Variants in TCIRG1 observed in about 807,000 individuals in gnomAD.
TCIRG1 encodes the protein V-type proton ATPase 116 kDa subunit a 3.
A neutral mutation model predicts 95.5 loss-of-function variants in TCIRG1; 86 were observed. That is an observed-to-expected ratio of 0.90 (90% CI 0.76 to 1.08). TCIRG1 has a LOEUF of 1.08. TCIRG1 is among the 50% of genes least tolerant of loss of function. TCIRG1 has a pLI of 0.00. For missense variants in TCIRG1, 1,069 were observed against 1,140.2 expected (o/e 0.94, Z 0.90); for synonymous variants, 499 against 501.3 (o/e 1.00, Z 0.06).
Position 68,045,173 on chromosome 11 carries a change from G to A in TCIRG1, c.1165+71G>A, listed in dbSNP as rs938592420. On this transcript the variant is annotated intron_variant, in intron 10 of 19. Transcript: ENST00000265686. ...CCCCACTGGGTGGGTGTGAGCCTGAGGGGGAGGTATCTCCATCCTGGGCCT... is the reference window on the plus strand; with the variant it reads ...CCCCACTGGGTGGGTGTGAGCCTGAAGGGGAGGTATCTCCATCCTGGGCCT... The A allele has an allele frequency of 1.0e-4, 160 of 1,580,592 alleles. No individual in the cohort carries two copies. In the Admixed American group the frequency reaches 2.4e-3, roughly 24 times the overall value.
rs1185062175 is a variant in TCIRG1, at chr11:68,042,686, C to A, written c.240C>A (p.Pro80=). ...TGCGGCGGGCTGGGCTGGTCCTGCCCCCGCCAAAGGGGAGGCTGCCGGCAC... is the reference window on the plus strand; with the variant it reads ...TGCGGCGGGCTGGGCTGGTCCTGCCACCGCCAAAGGGGAGGCTGCCGGCAC... ...EEVRRAGLVL[P]PPKGRLPAPP... Residue 80 remains proline, a synonymous_variant, in exon 4 of 20, where the codon CCC becomes CCA. Transcript: ENST00000265686. 1 of 1,546,332 alleles carries A rather than the reference C, an allele frequency of 6.5e-7. No individual in the cohort carries two copies. Among genetic ancestry groups the A allele is most frequent in the East Asian group, 2.4e-5 (1 of 40,900 alleles).
chr11:68,049,051 C>CA (rs1288272359), intron 14 of TCIRG1, 30 bp from the exon 15 acceptor site: 3 of 1,612,670 alleles, frequency 1.9e-6, no homozygotes, highest in Non-Finnish European at 2.5e-6. Flanking sequence ...GAGTGGGCCC[C>CA]AGTGAGCACA....
intron 5 of TCIRG1, 158 bp downstream of exon 5, chr11:68,043,189 C>T: frequency 2.0e-6 from 3 of 1,502,518 alleles, no homozygotes; most frequent in Non-Finnish European, 2.7e-6. Context: ...GTCCCAAGCC[C>T]TAGCCCTAGG....
chr11:68,041,208 C>CGTG (rs1225023629), intron 1 of TCIRG1, 60 bp from the exon 2 acceptor site: 4 of 1,114,270 alleles, frequency 3.6e-6, no homozygotes, highest in Non-Finnish European at 4.1e-6. Context: ...CACAGGTGCC[C>CGTG]GTGGTTGGGA....
rs752904356 is a variant in TCIRG1 at position 68,043,830 on chromosome 11, T to C, written c.730T>C (p.Phe244Leu). ...KITDCFHCHV[F>L]PFLQQEEARL... ...TCCCTCCAGCTTCCACTGCCACGTC[T>C]TCCCGTTTCTGCAGCAGGAGGAGGC... The change falls in exon 8 of 20, where the codon TTC becomes CTC. Residue 244 changes from phenylalanine to leucine, a missense_variant. Coordinates refer to ENST00000265686, the MANE Select transcript of TCIRG1 (RefSeq NM_006019.4). 6.4e-7 allele frequency: 1 copy of C among 1,563,270 alleles called. No individual in the cohort carries two copies. Among genetic ancestry groups the C allele is most frequent in the South Asian group, 1.2e-5 (1 of 85,068 alleles).
Position 68,048,916 on chromosome 11 carries a change from A to C in TCIRG1, c.1592A>C (p.Asn531Thr), listed in dbSNP as rs1473426639. Residue 531 changes from asparagine (N) to threonine (T), a missense_variant, in exon 14 of 20, where the codon AAC becomes ACC. By Grantham distance (65) the Asn-to-Thr change is moderately conservative (BLOSUM62 0). Transcript: ENST00000265686. ...SLAANHLSFL[N>T]SFKMKMSVIL... ...GCTGCCAACCACTTGAGCTTCCTCAACTCCTTCAAGATGAAGATGTCCGTC... is the reference window on the plus strand; with the variant it reads ...GCTGCCAACCACTTGAGCTTCCTCACCTCCTTCAAGATGAAGATGTCCGTC... 5.0e-6 allele frequency: 8 copies of C among 1,612,676 alleles called. No homozygotes were observed. The highest frequency in any genetic ancestry group is 2.7e-5 in the African/African-American group (2 of 74,774).
At chr11:68,050,900 TGTCTC>T (rs1855774568), downstream of TCIRG1, 4 of 1,476,728 alleles carry the variant, frequency 2.7e-6, 1 homozygote, top group South Asian at 4.6e-5. Flanking sequence ...CTGGCAGTGA[TGTCTC>T]GTCTCTCTTC....
intron 16 of TCIRG1, 31 bp downstream of exon 16, chr11:68,049,819 G>A: frequency 1.3e-6 from 2 of 1,559,970 alleles, no homozygotes; most frequent in Non-Finnish European, 1.7e-6. Context: ...GTGGGGGGCT[G>A]CTTGCGGGGA....
intron 1 of TCIRG1, among the ~76,000 whole-genome samples, chr11:68,040,586 T>C (rs1267172880): frequency 6.6e-6 from 1 of 152,098 alleles, no homozygotes; most frequent in Non-Finnish European, 1.5e-5. Context: ...GCTTTGGAGC[T>C]GGAGGGGCCC....
rs1376740807 is a variant in TCIRG1, at chr11:68,043,640, A to C, written c.700A>C (p.Lys234Gln). Residue 234 changes from lysine (K) to glutamine (Q), a missense_variant, in exon 7 of 20, where the codon AAG (lysine) becomes CAG (glutamine). Transcript: ENST00000265686. ...TGAGCAGATCGGACAGAAGATCCGC[A>C]AGATCACGGACTGGTGAGTCACTGG... ...WGEQIGQKIRKITDCFHCHVF... is the reference protein window; with the variant it reads ...WGEQIGQKIRQITDCFHCHVF... 1 of 1,609,512 alleles carries C rather than the reference A, an allele frequency of 6.2e-7. No homozygotes were observed. Among genetic ancestry groups the C allele is most frequent in the Admixed American group, 1.7e-5 (1 of 59,662 alleles).
At chr11:68,041,935 G>A (rs1255875745) in intron 3 of TCIRG1, 104 bp downstream of exon 3, 16 of 1,072,990 alleles carry the variant, frequency 1.5e-5, no homozygotes, top group Non-Finnish European at 2.2e-5. Flanking sequence ...GGAAGGCAGA[G>A]AAGGGAGGTA....
intron 9 of TCIRG1, 22 bp downstream of exon 9, chr11:68,044,366 C>A: frequency 6.6e-7 from 1 of 1,525,428 alleles, no homozygotes; most frequent in Non-Finnish European, 8.8e-7. Context: ...GAGGCCTCGC[C>A]CCCTCTCCGC....
Position 68,042,514 on chromosome 11 carries a change from G to A in TCIRG1, c.197-129G>A, listed in dbSNP as rs868722362. The A allele has an allele frequency of 5.3e-5, 40 of 754,392 alleles. 1 individual carries two copies. Among genetic ancestry groups the A allele is most frequent in the Middle Eastern group, 7.6e-4 (2 of 2,648 alleles). The allele number at this position is 754,392 out of a possible 1,614,324, so 46.7% of individuals were successfully genotyped here. ...ACAGCTTCTGGATGAAAGTTTGGCC[G>A]GGATTTTCTGGCCACCTCCACCTGG... On this transcript the variant is annotated intron_variant, in intron 3 of 19. Coordinates refer to ENST00000265686, the MANE Select transcript of TCIRG1 (RefSeq NM_006019.4).
chr11:68,044,665 G>C, intron 9 of TCIRG1: 2 of 589,440 alleles, frequency 3.4e-6, no homozygotes, highest in South Asian at 2.0e-5. Context: ...CCCTGCCTCC[G>C]GGGGTCACCC....
intron 6 of TCIRG1, 35 bp downstream of exon 6, chr11:68,043,532 C>A (rs555326288): frequency 2.6e-4 from 417 of 1,589,598 alleles, no homozygotes; most frequent in Admixed American, 4.0e-4. Flanking sequence ...GGGTCCTGGG[C>A]AGAGCGGGAC....
intron 8 of TCIRG1, 25 bp from the exon 9 acceptor site, chr11:68,044,107 C>G (rs1017067750): frequency 6.5e-7 from 1 of 1,542,736 alleles, no homozygotes; most frequent in Admixed American, 2.0e-5. Context: ...TGCCCAGCCC[C>G]CGCTGACTGC....
rs2134439227 is a variant in TCIRG1, at chr11:68,043,670, A to C, written c.713+17A>C. 6.3e-7 allele frequency: 1 copy of C among 1,588,272 alleles called. No individual in the cohort carries two copies. Among genetic ancestry groups the C allele is most frequent in the Admixed American group, 1.8e-5 (1 of 56,784 alleles). ...CACGGACTGGTGAGTCACTGGGAAC[A>C]CCCGCCCCACCGCCCTGCTCCCCAG... On this transcript the variant is annotated intron_variant, in intron 7 of 19. Transcript: ENST00000265686.
rs1423606769 is a variant in TCIRG1 at position 68,047,534 on chromosome 11, G to A, written c.1267G>A (p.Ala423Thr). 1.2e-6 allele frequency: 2 copies of A among 1,614,008 alleles called. No homozygotes were observed. Among genetic ancestry groups the A allele is most frequent in the Admixed American group, 1.7e-5 (1 of 60,024 alleles). The change falls in exon 11 of 20, where the codon GCG becomes ACG. Residue 423 changes from alanine to threonine, a missense_variant. Physicochemically the swap from Ala to Thr is moderately conservative, Grantham distance 58. Coordinates refer to ENST00000265686, the MANE Select transcript of TCIRG1 (RefSeq NM_006019.4). ...CCTGTTCGCCCTGGCCATGGTCCTT[G>A]CGGAGAACCGACCGGCTGTGAAGGC... ...MFLFALAMVL[A>T]ENRPAVKAAQ... is the part of the protein sequence containing the mutation.
intron 8 of TCIRG1, 51 bp from the exon 9 acceptor site, chr11:68,044,081 A>G: frequency 6.7e-7 from 1 of 1,501,724 alleles, no homozygotes; most frequent in South Asian, 1.2e-5. Context: ...CCCCCGGCCC[A>G]GCCACCCCAC....
Sources: allele counts gnomAD v4.1 joint callset (sites outside exome capture counted in the v4.1 genomes callset), GRCh38; gene constraint gnomAD v4.1.1; transcripts MANE v1.5; gene names NCBI Gene and HGNC (gene_info 2026-07-23, HGNC 2026-07-21).